The following CSMD1 variants were observed in gnomAD, a reference collection of about 807,000 sequenced individuals.
CSMD1 encodes CUB and sushi domain-containing protein 1.
CSMD1 carries 213 observed loss-of-function variants against 417.5 expected under a neutral mutation model. That is an observed-to-expected ratio of 0.51 (90% CI 0.46 to 0.57). CSMD1 has a LOEUF of 0.57. Among genes scored for constraint, CSMD1 ranks in the 20% least tolerant of loss-of-function variants. The pLI is 0.00. For missense variants in CSMD1, 6,923 were observed against 4,529.7 expected (o/e 1.53, Z -15.17); for synonymous variants, 2,862 against 1,736.8 (o/e 1.65, Z -16.11).
Position 4,413,281 on chromosome 8 carries a change from G to A in CSMD1, c.415+6672C>T, listed in dbSNP as rs970517444. ...CCTTTCCTTGAGGCTGATCCTCAAT[G>A]ACACAGCTTCTCCTTGGGCTCTGTG... is the stretch of plus-strand genomic sequence containing the variant. On this transcript the variant is annotated intron_variant, in intron 3 of 69. Coordinates refer to ENST00000635120, the MANE Select transcript of CSMD1 (RefSeq NM_033225.6). Among the ~76,000 whole-genome samples, 3 of 152,152 alleles carry A rather than the reference G, an allele frequency of 2.0e-5. 1 individual carries two copies. Among genetic ancestry groups the A allele is most frequent in the Non-Finnish European group, 4.4e-5 (3 of 68,040 alleles).
rs779645294 is a variant in CSMD1, at chr8:3,929,436, C to T, written c.818+68467G>A. ...AACCTTCCCCACATGAGAAGTGGGT[C>T]CAAAAGCTGGAGGGGACAGAACAAA... is the stretch of plus-strand genomic sequence containing the variant. On this transcript the variant is annotated intron_variant, in intron 5 of 69. Coordinates refer to ENST00000635120, the MANE Select transcript of CSMD1 (RefSeq NM_033225.6). Among the ~76,000 whole-genome samples, 124 of 150,270 alleles carry T rather than the reference C, an allele frequency of 8.3e-4. 5 individuals carry two copies. The highest frequency in any genetic ancestry group is 1.3e-3 in the Admixed American group (19 of 15,090).
intron 6 of CSMD1, among the ~76,000 whole-genome samples, chr8:3,722,163 G>T (rs752814159): frequency 1.1e-4 from 16 of 152,108 alleles, no homozygotes; most frequent in Admixed American, 7.2e-4. Context: ...GCAAAAATTA[G>T]CTGGGCATGG....
intron 3 of CSMD1, among the ~76,000 whole-genome samples, chr8:4,156,367 T>TG (rs1280955207): frequency 1.3e-5 from 2 of 152,154 alleles, no homozygotes; most frequent in Non-Finnish European, 2.9e-5. Context: ...AAAACTTAAA[T>TG]GAATGCAGAA....
intron 7 of CSMD1, among the ~76,000 whole-genome samples, chr8:3,619,008 C>T (rs374944450): frequency 1.1e-3 from 163 of 152,204 alleles, no homozygotes; most frequent in African/African-American, 3.8e-3. Flanking sequence ...TGGCTAGCAG[C>T]CATGAAAGGC....
At chr8:3,460,821 G>C (rs1816453525) in intron 12 of CSMD1, among the ~76,000 whole-genome samples, 1 of 152,190 alleles carries the variant, frequency 6.6e-6, no homozygotes, top group South Asian at 2.1e-4. Flanking sequence ...CTCTGGGTAA[G>C]AACAGACAAT....
At chr8:3,755,637 T>G (rs551398717) in intron 5 of CSMD1, among the ~76,000 whole-genome samples, 10 of 152,278 alleles carry the variant, frequency 6.6e-5, no homozygotes, top group Non-Finnish European at 1.3e-4. Context: ...TCCCTACTTA[T>G]TCTATTACCT....
At chr8:4,465,322 G>C (rs765865267) in intron 2 of CSMD1, among the ~76,000 whole-genome samples, 1 of 152,058 alleles carries the variant, frequency 6.6e-6, no homozygotes, top group Non-Finnish European at 1.5e-5. Context: ...GAAGATGACG[G>C]TCCCTGTGCT....
chr8:3,710,416 T>C (rs1801441569), intron 6 of CSMD1, among the ~76,000 whole-genome samples: 1 of 152,168 alleles, frequency 6.6e-6, no homozygotes, highest in South Asian at 2.1e-4. Context: ...AGACGATCAA[T>C]GCACCATCTT....
At chr8:2,971,340 C>A (rs1226397541) in intron 57 of CSMD1, among the ~76,000 whole-genome samples, 1 of 152,138 alleles carries the variant, frequency 6.6e-6, no homozygotes, top group Non-Finnish European at 1.5e-5. Context: ...ACACATTGCA[C>A]TTATCGGGTC....
intron 12 of CSMD1, among the ~76,000 whole-genome samples, chr8:3,430,708 G>T (rs1234508131): frequency 6.6e-6 from 1 of 152,134 alleles, no homozygotes; most frequent in African/African-American, 2.4e-5. Context: ...TCAGGAGGCT[G>T]AGGCAAGAGG....
intron 7 of CSMD1, among the ~76,000 whole-genome samples, chr8:3,657,387 A>G (rs554098352): frequency 3.0e-4 from 45 of 152,298 alleles, no homozygotes; most frequent in Non-Finnish European, 5.3e-4. Context: ...ATAAAACTGT[A>G]TGGTATCAAA....
intron 22 of CSMD1, among the ~76,000 whole-genome samples, chr8:3,346,623 C>G (rs1185914967): frequency 6.6e-6 from 1 of 152,162 alleles, no homozygotes; most frequent in Non-Finnish European, 1.5e-5. Context: ...AAGTAAGGCC[C>G]TTTAATCTGT....
At chr8:4,861,391 AT>A (rs1802121719) in intron 1 of CSMD1, among the ~76,000 whole-genome samples, 1 of 152,106 alleles carries the variant, frequency 6.6e-6, no homozygotes, top group African/African-American at 2.4e-5. Flanking sequence ...GCTTGACTCT[AT>A]TACTACGCTG....
intron 33 of CSMD1, among the ~76,000 whole-genome samples, chr8:3,194,801 G>A (rs1796613634): frequency 6.6e-6 from 1 of 151,874 alleles, no homozygotes; most frequent in African/African-American, 2.4e-5. Flanking sequence ...ATGCTAAAGA[G>A]ACTGAGTCTT....
intron 3 of CSMD1, among the ~76,000 whole-genome samples, chr8:4,155,750 T>A (rs3843922): frequency 0.23 from 34,962 of 152,042 alleles, 4,179 homozygotes; most frequent in South Asian, 0.35. Context: ...TCAGCTTTTG[T>A]CATTGATCCC....
rs1355216446 is a variant in CSMD1 at position 3,958,027 on chromosome 8, G to C, written c.818+39876C>G. Among the ~76,000 whole-genome samples the C allele has an allele frequency of 6.6e-5, 10 of 152,216 alleles. No individual in the cohort carries two copies. The South Asian group carries it at 1.5e-3, about 22-fold the overall frequency. ...ATTAAACCAGAGAAGACAACTAATAGAATATCATTCTCTTAGTTGTGCCTG... is the reference window on the plus strand; with the variant it reads ...ATTAAACCAGAGAAGACAACTAATACAATATCATTCTCTTAGTTGTGCCTG... On this transcript the variant is annotated intron_variant, in intron 5 of 69. Transcript: ENST00000635120.
At chr8:3,473,940 T>C (rs1456424657) in intron 11 of CSMD1, among the ~76,000 whole-genome samples, 1 of 151,996 alleles carries the variant, frequency 6.6e-6, no homozygotes, top group Non-Finnish European at 1.5e-5. Flanking sequence ...GGAGAGAGCA[T>C]GTGAGGGAGG....
At chr8:3,838,497 C>T (rs1426957902) in intron 5 of CSMD1, among the ~76,000 whole-genome samples, 2 of 127,596 alleles carry the variant, frequency 1.6e-5, no homozygotes, top group Non-Finnish European at 3.3e-5. Context: ...AGATATATAG[C>T]CTAGGCTATA....
chr8:3,977,878 A>C (rs141126497), intron 5 of CSMD1, among the ~76,000 whole-genome samples: 1 of 152,336 alleles, frequency 6.6e-6, no homozygotes, highest in East Asian at 1.9e-4. Context: ...GAATAAATTT[A>C]ATAAACTCAA....
Sources: allele counts gnomAD v4.1 joint callset (sites outside exome capture counted in the v4.1 genomes callset), GRCh38; gene constraint gnomAD v4.1.1; transcripts MANE v1.5; gene names NCBI Gene and HGNC (gene_info 2026-07-23, HGNC 2026-07-21).